Variants in KLF12 observed in about 807,000 individuals in gnomAD.
KLF12 encodes the protein Krueppel-like factor 12.
KLF12 carries 9 observed loss-of-function variants against 37.8 expected under a neutral mutation model. The observed-to-expected ratio is 0.24, with a 90% confidence interval of 0.14 to 0.42. The LOEUF is 0.42. Among genes scored for constraint, KLF12 ranks in the 10% least tolerant of loss-of-function variants. The probability of loss-of-function intolerance (pLI) is 1.00; values close to 1 mark genes in which losing one functional copy is unlikely to be tolerated. For synonymous variants in KLF12, 208 were observed against 202.1 expected (o/e 1.03, Z -0.25); for missense variants, 411 against 516.0 (o/e 0.80, Z 1.97).
At chr13:73,908,366 C>A (rs1566451967) in intron 3 of KLF12, among the ~76,000 whole-genome samples, 1 of 145,776 alleles carries the variant, frequency 6.9e-6, no homozygotes, top group Non-Finnish European at 1.5e-5. Flanking sequence ...TGAACCACTG[C>A]ACTCCAGCCT....
At chr13:74,200,152 G>A in the KLF12 span, among the ~76,000 whole-genome samples, 1 of 151,626 alleles carries the variant, frequency 6.6e-6, no homozygotes, top group African/African-American at 2.4e-5. Context: ...AGAGAGGAAT[G>A]GATGTGGGGA....
chr13:74,044,584 C>T (rs1405975034), intron 1 of KLF12, among the ~76,000 whole-genome samples: 1 of 152,028 alleles, frequency 6.6e-6, no homozygotes, highest in Non-Finnish European at 1.5e-5. Flanking sequence ...TGGTGGCTCA[C>T]GTCTGTAATC....
intron 5 of KLF12, among the ~76,000 whole-genome samples, chr13:73,792,292 A>G (rs1881731481): frequency 6.6e-6 from 1 of 152,176 alleles, no homozygotes; most frequent in Non-Finnish European, 1.5e-5. Context: ...GTCAATATTG[A>G]TCTCTAGTTA....
the KLF12 span, among the ~76,000 whole-genome samples, chr13:74,276,723 A>G: frequency 1.3e-5 from 2 of 152,146 alleles, no homozygotes; most frequent in African/African-American, 4.8e-5. Flanking sequence ...TATTTAACCC[A>G]GTTTGTTTGA....
intron 4 of KLF12, among the ~76,000 whole-genome samples, chr13:73,822,521 G>A (rs1407353073): frequency 1.3e-5 from 2 of 152,040 alleles, no homozygotes; most frequent in Non-Finnish European, 2.9e-5. Flanking sequence ...TTTGAGCCTA[G>A]GAATTCAAGA....
At chr13:74,289,745 A>G in the KLF12 span, among the ~76,000 whole-genome samples, 1 of 152,220 alleles carries the variant, frequency 6.6e-6, no homozygotes, top group Non-Finnish European at 1.5e-5. Flanking sequence ...ATGACAATAG[A>G]CAGTGAAACA....
At chr13:73,898,977 G>T (rs1390115620) in intron 3 of KLF12, among the ~76,000 whole-genome samples, 3 of 152,200 alleles carry the variant, frequency 2.0e-5, no homozygotes, top group Non-Finnish European at 4.4e-5. Flanking sequence ...GCCATGCCAG[G>T]CAACTGCAGC....
chr13:74,007,882 A>G (rs1383559264), intron 1 of KLF12, among the ~76,000 whole-genome samples: 1 of 149,884 alleles, frequency 6.7e-6, no homozygotes, highest in Non-Finnish European at 1.5e-5. Context: ...CAACTGGTAC[A>G]TGGAAAAAAA....
intron 1 of KLF12, among the ~76,000 whole-genome samples, chr13:74,005,057 T>C (rs1242096883): frequency 6.6e-6 from 1 of 152,224 alleles, no homozygotes; most frequent in Non-Finnish European, 1.5e-5. Context: ...AACCTGTGCT[T>C]GAGGCTGTTA....
At chr13:74,057,999 C>T (rs561155262) in intron 1 of KLF12, among the ~76,000 whole-genome samples, 5 of 150,090 alleles carry the variant, frequency 3.3e-5, no homozygotes, top group Non-Finnish European at 7.4e-5. Flanking sequence ...TGGAGTCTCA[C>T]TCTGTCACCC....
intron 1 of KLF12, among the ~76,000 whole-genome samples, chr13:74,113,351 CAT>C (rs1308182422): frequency 6.6e-6 from 1 of 152,210 alleles, no homozygotes; most frequent in African/African-American, 2.4e-5. Context: ...GGAGGACTTT[CAT>C]ATAGTTAGAG....
intron 1 of KLF12, among the ~76,000 whole-genome samples, chr13:74,042,816 A>G (rs1000049954): frequency 6.6e-6 from 1 of 152,246 alleles, no homozygotes; most frequent in African/African-American, 2.4e-5. Context: ...TTAAATGAAT[A>G]CGAAAAAAGC....
At chr13:74,165,935 A>G in the KLF12 span, among the ~76,000 whole-genome samples, 4 of 152,172 alleles carry the variant, frequency 2.6e-5, no homozygotes, top group African/African-American at 9.7e-5. Flanking sequence ...GCAGGGAGGA[A>G]AGATATAATG....
intron 3 of KLF12, among the ~76,000 whole-genome samples, chr13:73,942,836 G>A (rs1028008606): frequency 6.6e-6 from 1 of 152,146 alleles, no homozygotes; most frequent in African/African-American, 2.4e-5. Flanking sequence ...ACCACGATGA[G>A]GCTCTGTTCA....
At chr13:74,263,239 T>C in the KLF12 span, among the ~76,000 whole-genome samples, 1 of 152,340 alleles carries the variant, frequency 6.6e-6, no homozygotes, top group South Asian at 2.1e-4. Context: ...TTTTTACTTA[T>C]AGTAGCCTTG....
chr13:73,886,992 C>CAAA (rs35604161), intron 3 of KLF12, among the ~76,000 whole-genome samples: 2 of 127,202 alleles, frequency 1.6e-5, no homozygotes, highest in Non-Finnish European at 3.3e-5. Context: ...AAATCCGTCT[C>CAAA]AAAAAAAAAA....
At chr13:73,978,867 A>G (rs1389935459) in intron 2 of KLF12, among the ~76,000 whole-genome samples, 1 of 152,254 alleles carries the variant, frequency 6.6e-6, no homozygotes, top group Non-Finnish European at 1.5e-5. Flanking sequence ...ATGAAAAGAC[A>G]TGAAGGAAAC....
At chr13:74,194,229 C>T in the KLF12 span, among the ~76,000 whole-genome samples, 2 of 152,242 alleles carry the variant, frequency 1.3e-5, no homozygotes, top group Admixed American at 6.5e-5. Context: ...TGCAGCAGAG[C>T]ATGCATGAGT....
intron 3 of KLF12, among the ~76,000 whole-genome samples, chr13:73,861,185 T>C (rs1885907397): frequency 6.6e-6 from 1 of 152,160 alleles, no homozygotes; most frequent in South Asian, 2.1e-4. Flanking sequence ...CGGGGTGTAA[T>C]ACATGGCATG....
Sources: gnomAD v4.1 joint callset for allele counts (sites outside exome capture counted in the v4.1 genomes callset) on GRCh38, gnomAD v4.1.1 for gene constraint, MANE v1.5 for transcripts, NCBI Gene and HGNC (gene_info 2026-07-23, HGNC 2026-07-21) for gene names.